The following NKAIN1 variants were observed in gnomAD, a reference collection of about 807,000 sequenced individuals.
NKAIN1 encodes sodium/potassium transporting ATPase interacting 1, also known as sodium/potassium-transporting ATPase subunit beta-1-interacting protein 1.
A neutral mutation model predicts 31.6 loss-of-function variants in NKAIN1; 13 were observed. The observed-to-expected ratio is 0.41, with a 90% CI of 0.27 to 0.65. The LOEUF is 0.65. Among genes scored for constraint, NKAIN1 ranks in the 30% least tolerant of loss-of-function variants. NKAIN1 has a pLI of 0.30. For synonymous variants in NKAIN1, 104 were observed against 109.0 expected, an observed-to-expected ratio of 0.95 and a Z score of 0.28; for missense variants, 193 against 262.2, an observed-to-expected ratio of 0.74 and a Z score of 1.82.
intron 1 of NKAIN1, among the ~76,000 whole-genome samples, chr1:31,224,736 C>A (rs1400171557): frequency 1.3e-5 from 2 of 152,242 alleles, no homozygotes; most frequent in African/African-American, 2.4e-5. Context: ...GATCCAGAGC[C>A]CTTGCTCTTC....
intron 1 of NKAIN1, among the ~76,000 whole-genome samples, chr1:31,200,718 C>A (rs1645373559): frequency 6.6e-6 from 1 of 152,130 alleles, no homozygotes; most frequent in Admixed American, 6.6e-5. Context: ...CTGCCTTGGC[C>A]TCTCAAGGTG....
chr1:31,212,568 C>T (rs901464061), intron 1 of NKAIN1, among the ~76,000 whole-genome samples: 2 of 152,080 alleles, frequency 1.3e-5, no homozygotes, highest in Non-Finnish European at 2.9e-5. Context: ...CCAAACCCGG[C>T]TACTTTTTGG....
At chr1:31,231,798 G>C (rs546042354) in intron 1 of NKAIN1, among the ~76,000 whole-genome samples, 28 of 152,322 alleles carry the variant, frequency 1.8e-4, no homozygotes, top group African/African-American at 6.5e-4. Flanking sequence ...CCAAAGTGCC[G>C]GGATTACAAG....
chr1:31,222,884 T>C (rs904546433), intron 1 of NKAIN1, among the ~76,000 whole-genome samples: 1 of 152,172 alleles, frequency 6.6e-6, no homozygotes, highest in African/African-American at 2.4e-5. Flanking sequence ...GGAGATAGTA[T>C]CCATATAATA....
Position 31,184,059 on chromosome 1 carries a change from G to A in NKAIN1, c.274-45C>T, listed in dbSNP as rs185190398. On this transcript the variant is annotated intron_variant, in intron 3 of 6. Coordinates refer to ENST00000373736, the MANE Select transcript of NKAIN1 (RefSeq NM_024522.3). ...GGATACTGAGTGTGAGGGAGAGGGAGGGGGGAGCTACTCCCCCAGCCCAGG... is the reference window on the plus strand; with the variant it reads ...GGATACTGAGTGTGAGGGAGAGGGAAGGGGGAGCTACTCCCCCAGCCCAGG... 3.5e-4 allele frequency: 548 copies of A among 1,550,196 alleles called. 1 individual carries two copies. Among genetic ancestry groups the A allele is most frequent in the Admixed American group, 1.8e-3 (105 of 57,242 alleles).
At chr1:31,232,410 T>TGGAGAG (rs1557664401) in intron 1 of NKAIN1, among the ~76,000 whole-genome samples, 2 of 33,218 alleles carry the variant, frequency 6.0e-5, no homozygotes, top group African/African-American at 1.7e-4. Context: ...TATATATATA[T>TGGAGAG]ATATATATAT....
In NKAIN1 at chr1:31,179,916, T is replaced by A. The variant is rs997512850; in HGVS notation, c.*1787A>T. 6 of 152,454 alleles carry A rather than the reference T, an allele frequency of 3.9e-5. No homozygotes were observed. The highest frequency in any genetic ancestry group is 1.4e-4 in the African/African-American group (6 of 41,402). 9.4% of individuals were successfully genotyped at this position (152,454 alleles called of 1,614,324 possible). On this transcript the variant is annotated 3_prime_UTR_variant, in exon 7 of 7. Transcript: ENST00000373736. Reference sequence around the variant, plus strand: ...CTACACCCGTTGAGTAGAAAGGGGCTTGGGGGAGAGTTGGGGTGAGAGAGG... The same window carrying A: ...CTACACCCGTTGAGTAGAAAGGGGCATGGGGGAGAGTTGGGGTGAGAGAGG...
At chr1:31,223,733 C>T (rs557371599) in intron 1 of NKAIN1, among the ~76,000 whole-genome samples, 12 of 152,182 alleles carry the variant, frequency 7.9e-5, no homozygotes, top group Non-Finnish European at 1.3e-4. Context: ...CGTGAGCCAC[C>T]ACGCCCAGCC....
intron 1 of NKAIN1, among the ~76,000 whole-genome samples, chr1:31,229,546 T>A (rs746757483): frequency 4.6e-4 from 70 of 151,390 alleles, no homozygotes; most frequent in Non-Finnish European, 8.4e-4. Context: ...ATCTTTTACA[T>A]TTTTTTTTCT....
chr1:31,209,646 G>A (rs1310791036), intron 1 of NKAIN1, among the ~76,000 whole-genome samples: 2 of 151,534 alleles, frequency 1.3e-5, no homozygotes, highest in Non-Finnish European at 2.9e-5. Context: ...TAAGACCCCT[G>A]TCTCTACAAA....
intron 1 of NKAIN1, among the ~76,000 whole-genome samples, chr1:31,214,687 G>A (rs1174211972): frequency 1.3e-5 from 2 of 152,184 alleles, no homozygotes; most frequent in East Asian, 1.9e-4. Context: ...AGACTTCTGC[G>A]AGGAAGTGAT....
intron 1 of NKAIN1, among the ~76,000 whole-genome samples, chr1:31,191,411 T>G (rs898569038): frequency 1.6e-4 from 25 of 151,750 alleles, no homozygotes; most frequent in Admixed American, 5.2e-4. Context: ...TTTTTTTTTT[T>G]TTTTTTTTTT....
intron 1 of NKAIN1, among the ~76,000 whole-genome samples, chr1:31,223,375 CA>C (rs746638007): frequency 0.24 from 25,525 of 106,372 alleles, 2,724 homozygotes; most frequent in African/African-American, 0.37. Context: ...GACTCCATCT[CA>C]AAAAAAAAAA....
chr1:31,214,386 A>G (rs371342740), intron 1 of NKAIN1, among the ~76,000 whole-genome samples: 3 of 152,060 alleles, frequency 2.0e-5, no homozygotes, highest in African/African-American at 7.2e-5. Context: ...TTATGAATAC[A>G]CTGAAAACCA....
At chr1:31,182,411 C>T (rs931664500) in intron 5 of NKAIN1, 119 bp downstream of exon 5, 2 of 1,127,124 alleles carry the variant, frequency 1.8e-6, no homozygotes, top group South Asian at 1.4e-5. Flanking sequence ...CTCTTCCCCT[C>T]GAAAGGGGCC....
chr1:31,193,986 T>C (rs996240195), intron 1 of NKAIN1: 32 of 152,082 alleles, frequency 2.1e-4, no homozygotes, highest in African/African-American at 7.2e-4. Flanking sequence ...AATTCCTTCC[T>C]TCGTTTGGAG....
chr1:31,182,972 T>TC (rs1645214461), intron 4 of NKAIN1, among the ~76,000 whole-genome samples: 1 of 152,048 alleles, frequency 6.6e-6, no homozygotes, highest in African/African-American at 2.4e-5. Context: ...CTTTTTTTTT[T>TC]CTTCCCTTCC....
At chr1:31,232,639 A>G (rs1645663513) in intron 1 of NKAIN1, among the ~76,000 whole-genome samples, 1 of 150,820 alleles carries the variant, frequency 6.6e-6, no homozygotes, top group Non-Finnish European at 1.5e-5. Flanking sequence ...CCTTCCTGTC[A>G]CCCATCTCTC....
At chr1:31,221,080 G>A (rs1021331844) in intron 1 of NKAIN1, among the ~76,000 whole-genome samples, 4 of 152,150 alleles carry the variant, frequency 2.6e-5, no homozygotes, top group African/African-American at 4.8e-5. Context: ...GTGAGCATGC[G>A]GGAGTACAGA....
Sources: allele counts gnomAD v4.1 joint callset (sites outside exome capture counted in the v4.1 genomes callset), GRCh38; gene constraint gnomAD v4.1.1; transcripts MANE v1.5; gene names NCBI Gene and HGNC (gene_info 2026-07-23, HGNC 2026-07-21).